FGF10: variants seen among roughly 807,000 people sequenced by gnomAD.
FGF10 encodes the protein FGF-10.
In FGF10, 2 loss-of-function variants were observed where a neutral mutation model predicts 19.8. The observed-to-expected ratio is 0.10, with a 90% confidence interval of 0.04 to 0.32. FGF10 has a LOEUF of 0.32. Among genes scored for constraint, FGF10 ranks in the 10% least tolerant of loss-of-function variants. FGF10 has a pLI of 1.00. For synonymous variants in FGF10, 112 were observed against 94.0 expected (o/e 1.19, Z -1.10); for missense variants, 191 against 246.3 (o/e 0.78, Z 1.50).
At chr5:44,341,464 AGCTATTTCCATAATTCACT>A (rs1740969446) in intron 1 of FGF10, among the ~76,000 whole-genome samples, 2 of 151,428 alleles carry the variant, frequency 1.3e-5, no homozygotes, top group South Asian at 4.2e-4. Flanking sequence ...AGATAGTCTG[AGCTATTTCCATAATTCACT>A]GCCTTGTTAT....
At chr5:44,333,296 GA>G (rs776443946) in intron 1 of FGF10, among the ~76,000 whole-genome samples, 12 of 152,240 alleles carry the variant, frequency 7.9e-5, no homozygotes, top group Middle Eastern at 3.4e-3. Flanking sequence ...TGCATAGTGA[GA>G]TTTCTTCCCA....
chr5:44,340,261 A>G (rs547406354), intron 1 of FGF10, among the ~76,000 whole-genome samples: 16 of 152,248 alleles, frequency 1.1e-4, no homozygotes, highest in Admixed American at 1.0e-3. Flanking sequence ...AGTAGCCCAA[A>G]GAATAGGAAT....
intron 1 of FGF10, among the ~76,000 whole-genome samples, chr5:44,363,229 T>C (rs1741531004): frequency 6.6e-6 from 1 of 151,770 alleles, no homozygotes; most frequent in African/African-American, 2.4e-5. Context: ...CAACTTGCAA[T>C]ATAAAACATA....
intron 1 of FGF10, among the ~76,000 whole-genome samples, chr5:44,313,007 T>C (rs1740248494): frequency 6.6e-6 from 1 of 152,184 alleles, no homozygotes; most frequent in African/African-American, 2.4e-5. Context: ...TTACCTGAAA[T>C]GGGAGCACAA....
intron 1 of FGF10, among the ~76,000 whole-genome samples, chr5:44,371,546 G>A (rs1337105910): frequency 1.3e-5 from 2 of 152,006 alleles, no homozygotes; most frequent in African/African-American, 2.4e-5. Context: ...CAGAAAAGGG[G>A]CTTTTGGGCC....
At chr5:44,324,204 G>A (rs976867487) in intron 1 of FGF10, among the ~76,000 whole-genome samples, 3 of 151,332 alleles carry the variant, frequency 2.0e-5, no homozygotes, top group African/African-American at 4.9e-5. Flanking sequence ...AAAGGGAAAG[G>A]CAAAAGCTAA....
At chr5:44,333,104 C>A (rs926918257) in intron 1 of FGF10, among the ~76,000 whole-genome samples, 1 of 151,310 alleles carries the variant, frequency 6.6e-6, no homozygotes, top group Non-Finnish European at 1.5e-5. Context: ...AAGTCCTGAC[C>A]CCCCCCAAAA....
intron 1 of FGF10, 97 bp from the exon 2 acceptor site, chr5:44,310,627 G>GT (rs1166849162): frequency 1.1e-6 from 1 of 905,622 alleles, no homozygotes; most frequent in Non-Finnish European, 1.7e-6. Context: ...TTTTTGTGTG[G>GT]TTCTAAAAAC....
chr5:44,388,103 A>C (rs954139994), intron 1 of FGF10, among the ~76,000 whole-genome samples: 4 of 120,808 alleles, frequency 3.3e-5, no homozygotes, highest in Non-Finnish European at 6.6e-5. Context: ...GGCTAGTGAC[A>C]GGCTGGAGGG....
At chr5:44,326,542 G>T (rs1740619187) in intron 1 of FGF10, among the ~76,000 whole-genome samples, 1 of 151,628 alleles carries the variant, frequency 6.6e-6, no homozygotes, top group Admixed American at 6.6e-5. Context: ...GGGACTACAG[G>T]CACAAACCAC....
intron 1 of FGF10, among the ~76,000 whole-genome samples, chr5:44,316,931 A>T (rs532736104): frequency 1.3e-5 from 2 of 152,282 alleles, no homozygotes; most frequent in East Asian, 3.9e-4. Flanking sequence ...TCAAAGGGCT[A>T]ACTGTGTTAA....
At position 44,388,806 on chromosome 5, in the gene FGF10, G is replaced by A. The variant is rs1378902409; in HGVS notation, c.-124C>T. ...CTGCTGGTTAGCTCCCTCTGGGCGC[G>A]GATCTGGCCAGAAGTGAATGCACCA... On this transcript the variant is annotated 5_prime_UTR_variant, in exon 1 of 3. Coordinates refer to ENST00000264664, the MANE Select transcript of FGF10 (RefSeq NM_004465.2). The A allele has an allele frequency of 1.0e-6, 1 of 957,904 alleles. No individual in the cohort carries two copies. The highest frequency in any genetic ancestry group is 1.7e-6 in the Non-Finnish European group (1 of 605,592). 59.3% of individuals were successfully genotyped at this position (957,904 alleles called of 1,614,324 possible).
At chr5:44,387,432 A>C (rs1040777958) in intron 1 of FGF10, among the ~76,000 whole-genome samples, 5 of 152,250 alleles carry the variant, frequency 3.3e-5, no homozygotes, top group African/African-American at 1.2e-4. Context: ...ACTGTGGGAT[A>C]AAATATAGCC....
chr5:44,380,386 T>C (rs1741958160), intron 1 of FGF10, among the ~76,000 whole-genome samples: 1 of 152,218 alleles, frequency 6.6e-6, no homozygotes, highest in Non-Finnish European at 1.5e-5. Flanking sequence ...TAGAAGTATA[T>C]GAAAACACTT....
intron 1 of FGF10, among the ~76,000 whole-genome samples, chr5:44,331,238 G>A (rs779468388): frequency 6.6e-6 from 1 of 151,612 alleles, no homozygotes; most frequent in African/African-American, 2.4e-5. Context: ...ACTTATTTTA[G>A]GAGCTCCTTT....
intron 1 of FGF10, among the ~76,000 whole-genome samples, chr5:44,357,061 T>C (rs1010210230): frequency 6.6e-6 from 1 of 151,296 alleles, no homozygotes; most frequent in African/African-American, 2.4e-5. Flanking sequence ...TATGTATGTG[T>C]AGGTAAGAGA....
At chr5:44,337,211 A>T (rs1004311781) in intron 1 of FGF10, among the ~76,000 whole-genome samples, 1 of 152,038 alleles carries the variant, frequency 6.6e-6, no homozygotes, top group Non-Finnish European at 1.5e-5. Context: ...CATAACTCTG[A>T]TACTGAAATA....
chr5:44,316,139 G>A (rs926295314), intron 1 of FGF10, among the ~76,000 whole-genome samples: 1 of 152,090 alleles, frequency 6.6e-6, no homozygotes, highest in South Asian at 2.1e-4. Context: ...ACAATGCAAG[G>A]AAGGGATCTA....
intron 1 of FGF10, among the ~76,000 whole-genome samples, chr5:44,379,432 TACTGATGACA>T (rs781619659): frequency 1.2e-4 from 18 of 152,238 alleles, no homozygotes; most frequent in Non-Finnish European, 2.4e-4. Flanking sequence ...ATCCTTGTTT[TACTGATGACA>T]ACTTGCCCAA....
Sources: allele counts gnomAD v4.1 joint callset (sites outside exome capture counted in the v4.1 genomes callset), GRCh38; gene constraint gnomAD v4.1.1; transcripts MANE v1.5; gene names NCBI Gene and HGNC (gene_info 2026-07-23, HGNC 2026-07-21).